The following PDIA5 variants were observed in gnomAD, a reference collection of about 807,000 sequenced individuals.
The protein encoded by PDIA5 is protein disulfide-isomerase A5.
PDIA5 carries 58 observed loss-of-function variants against 77.6 expected under a neutral mutation model. That is an observed-to-expected ratio of 0.75 (90% confidence interval 0.61 to 0.93). The LOEUF is 0.93. Among genes scored for constraint, PDIA5 ranks in the 40% least tolerant of loss-of-function variants. The pLI, the probability that PDIA5 is intolerant of heterozygous loss-of-function variation, is 0.00. For missense variants in PDIA5, 630 were observed against 647.7 expected (o/e 0.97, Z 0.30); for synonymous variants, 250 against 252.1 (o/e 0.99, Z 0.08).
At chr3:123,157,443 C>T (rs1408771370) in intron 15 of PDIA5, among the ~76,000 whole-genome samples, 1 of 152,160 alleles carries the variant, frequency 6.6e-6, no homozygotes, top group African/African-American at 2.4e-5. Context: ...GTCCCCTCTC[C>T]CTTTACTCGT....
intron 11 of PDIA5, among the ~76,000 whole-genome samples, chr3:123,140,029 G>T (rs1162144121): frequency 6.6e-6 from 1 of 152,218 alleles, no homozygotes; most frequent in Non-Finnish European, 1.5e-5. Flanking sequence ...GCGCCTTTGG[G>T]ATAGGTGGTC....
chr3:123,157,977 GGGGCCCCACCTCT>G (rs1936056878), intron 15 of PDIA5, among the ~76,000 whole-genome samples: 1 of 152,206 alleles, frequency 6.6e-6, no homozygotes, highest in South Asian at 2.1e-4. Context: ...TGAGGCAGTG[GGGGCCCCACCTCT>G]GCCATGGGCC....
At chr3:123,094,506 C>G (rs749104979) in intron 3 of PDIA5, among the ~76,000 whole-genome samples, 10 of 152,272 alleles carry the variant, frequency 6.6e-5, no homozygotes, top group Non-Finnish European at 1.3e-4. Context: ...TTCACTCCTG[C>G]TCCTAGACTT....
chr3:123,129,567 C>T (rs921734922), intron 10 of PDIA5, among the ~76,000 whole-genome samples: 11 of 152,218 alleles, frequency 7.2e-5, no homozygotes, highest in Non-Finnish European at 7.3e-5. Context: ...ATTTGTCATC[C>T]TTGAGGGTTT....
chr3:123,089,848 G>A (rs78116333), intron 2 of PDIA5, among the ~76,000 whole-genome samples: 4,138 of 152,352 alleles, frequency 0.027, 186 homozygotes, highest in African/African-American at 0.089. Flanking sequence ...TTTCTTGGGG[G>A]CAGGAGCAGC....
chr3:123,161,552 A>C, intron 16 of PDIA5, 97 bp downstream of exon 16: 1 of 1,321,296 alleles, frequency 7.6e-7, no homozygotes, highest in Non-Finnish European at 1.0e-6. Flanking sequence ...CATCCCAGAA[A>C]CTGCAGAAGT....
intron 5 of PDIA5, 67 bp downstream of exon 5, chr3:123,102,863 TTC>T: frequency 9.4e-7 from 1 of 1,058,638 alleles, no homozygotes; most frequent in Non-Finnish European, 1.5e-6. Context: ...CTGGCAGGTT[TTC>T]TCTCTGAGAA....
intron 11 of PDIA5, among the ~76,000 whole-genome samples, chr3:123,134,648 A>G (rs1004432742): frequency 2.0e-5 from 3 of 152,140 alleles, no homozygotes; most frequent in Admixed American, 6.5e-5. Context: ...GCAAGAGCCC[A>G]TTAGAAACCC....
intron 8 of PDIA5, 133 bp from the exon 9 acceptor site, chr3:123,123,933 C>T (rs1935177939): frequency 1.5e-6 from 1 of 657,820 alleles, no homozygotes; most frequent in African/African-American, 1.8e-5. Flanking sequence ...CTCAGCAGCC[C>T]TGATGCACAT....
At chr3:123,093,038 C>G (rs1934340551) in intron 3 of PDIA5, among the ~76,000 whole-genome samples, 2 of 152,174 alleles carry the variant, frequency 1.3e-5, no homozygotes, top group Non-Finnish European at 2.9e-5. Context: ...GTTAAGCGAG[C>G]TTTTATGGCA....
Position 123,145,645 on chromosome 3 carries a change from G to A in PDIA5, c.981+53G>A, listed in dbSNP as rs917624946. 5 of 1,468,842 alleles carry A rather than the reference G, an allele frequency of 3.4e-6. No homozygotes were observed. In the African/African-American group the frequency reaches 7.0e-5, roughly 20 times the overall value. 91.0% of individuals were successfully genotyped at this position (1,468,842 alleles called of 1,614,324 possible). ...GTTCTCTTTGAAAGAATCACTGACAGGTGGAATCATTATGACTTTCCCCTG... is the reference window on the plus strand; with the variant it reads ...GTTCTCTTTGAAAGAATCACTGACAAGTGGAATCATTATGACTTTCCCCTG... On this transcript the variant is annotated intron_variant, in intron 12 of 16. Transcript: ENST00000316218.
intron 11 of PDIA5, among the ~76,000 whole-genome samples, chr3:123,138,464 T>C (rs1260751440): frequency 6.6e-6 from 1 of 152,230 alleles, no homozygotes. Context: ...TATTTCCCAT[T>C]ATAAATCATG....
intron 13 of PDIA5, 77 bp from the exon 14 acceptor site, chr3:123,150,157 A>G (rs1167410078): frequency 6.9e-6 from 7 of 1,008,178 alleles, no homozygotes; most frequent in Non-Finnish European, 1.1e-5. Flanking sequence ...AGTGGTTGGG[A>G]CATTGAGGGT....
In PDIA5 at chr3:123,151,734, T is replaced by TCCTTCCTTCCTGCCTG. The variant is rs1464728162; in HGVS notation, c.1273+1373_1273+1374insTCCTTCCTGCCTGCCT. On this transcript the variant is annotated intron_variant, in intron 14 of 16. Coordinates refer to ENST00000316218, the MANE Select transcript of PDIA5 (RefSeq NM_006810.4). Reference sequence around the variant, plus strand: ...TGCCAAAGATCTACAACTCCTTCCTTCCTGCCTGCCTGCCTGCCTGCCTGC... The same window carrying TCCTTCCTTCCTGCCTG: ...TGCCAAAGATCTACAACTCCTTCCTTCCTTCCTTCCTGCCTGCCTGCCTGCCTGCCTGCCTGCCTGC... Among the ~76,000 whole-genome samples, 4 of 111,516 alleles carry TCCTTCCTTCCTGCCTG rather than the reference T, an allele frequency of 3.6e-5. No individual in the cohort carries two copies. The South Asian group carries it at 1.1e-3, about 31-fold the overall frequency. 73.2% of individuals were successfully genotyped at this position (111,516 alleles called of 152,430 possible).
intron 11 of PDIA5, among the ~76,000 whole-genome samples, chr3:123,139,349 G>T (rs1032732066): frequency 5.9e-5 from 9 of 152,190 alleles, no homozygotes; most frequent in Admixed American, 2.0e-4. Flanking sequence ...AGACAGGAGG[G>T]TGTCTGGAAG....
chr3:123,070,776 C>T (rs954059661), intron 1 of PDIA5, among the ~76,000 whole-genome samples: 3 of 152,160 alleles, frequency 2.0e-5, no homozygotes, highest in Non-Finnish European at 4.4e-5. Context: ...GCTGATTGTC[C>T]TGTTGGCTCC....
chr3:123,091,952 C>T (rs112350556), intron 2 of PDIA5, among the ~76,000 whole-genome samples: 2 of 152,212 alleles, frequency 1.3e-5, no homozygotes, highest in Non-Finnish European at 2.9e-5. Flanking sequence ...CAACATCATT[C>T]CCTGCTTTAG....
chr3:123,135,247 C>T (rs1166981562), intron 11 of PDIA5, among the ~76,000 whole-genome samples: 2 of 152,196 alleles, frequency 1.3e-5, no homozygotes, highest in Non-Finnish European at 2.9e-5. Context: ...TGCTGTGGCA[C>T]TACCTGAGTA....
At chr3:123,092,258 G>A (rs371750083) in intron 2 of PDIA5, 97 bp from the exon 3 acceptor site, 4 of 937,736 alleles carry the variant, frequency 4.3e-6, no homozygotes, top group Middle Eastern at 2.1e-4. Flanking sequence ...CCCCCTCTAG[G>A]ATTGGTCTCC....
Sources: gnomAD v4.1 joint callset for allele counts (sites outside exome capture counted in the v4.1 genomes callset) on GRCh38, gnomAD v4.1.1 for gene constraint, MANE v1.5 for transcripts, NCBI Gene and HGNC (gene_info 2026-07-23, HGNC 2026-07-21) for gene names.